FOXN2: variants seen among roughly 807,000 people sequenced by gnomAD.
The protein encoded by FOXN2 is forkhead box protein N2.
Under a neutral mutation model 41.2 loss-of-function variants are expected in FOXN2, and 19 were observed. That is an observed-to-expected ratio of 0.46 (90% CI 0.32 to 0.68). The LOEUF (loss-of-function observed/expected upper bound fraction) is 0.68, where lower values mean the gene tolerates loss of function less well. Ranked by LOEUF, FOXN2 falls within the 30% of genes least tolerant of loss-of-function variation. The pLI is 0.03. For missense variants in FOXN2, 587 were observed against 509.4 expected (o/e 1.15, Z -1.47); for synonymous variants, 195 against 176.8 (o/e 1.10, Z -0.82).
At chr2:48,344,264 G>A (rs1014217654) in intron 2 of FOXN2, among the ~76,000 whole-genome samples, 1 of 152,104 alleles carries the variant, frequency 6.6e-6, no homozygotes, top group Non-Finnish European at 1.5e-5. Flanking sequence ...AACCAAATCC[G>A]TTATCGTTTG....
At chr2:48,330,389 C>A (rs1187341538) in intron 2 of FOXN2, among the ~76,000 whole-genome samples, 5 of 152,152 alleles carry the variant, frequency 3.3e-5, no homozygotes, top group African/African-American at 1.2e-4. Flanking sequence ...AATTGCTATG[C>A]AGCTTCCATA....
At chr2:48,353,431 A>G (rs1356619491) in intron 3 of FOXN2, among the ~76,000 whole-genome samples, 2 of 152,120 alleles carry the variant, frequency 1.3e-5, no homozygotes, top group African/African-American at 4.8e-5. Context: ...GTGTTTTTAT[A>G]GCATTCTGTT....
chr2:48,369,299 A>G (rs1326723615), intron 5 of FOXN2, among the ~76,000 whole-genome samples: 2 of 152,206 alleles, frequency 1.3e-5, no homozygotes, highest in Non-Finnish European at 2.9e-5. Context: ...GCACTTTGGG[A>G]GGCCAAGGCG....
chr2:48,355,509 TAGAC>T, intron 3 of FOXN2, among the ~76,000 whole-genome samples: 1 of 152,082 alleles, frequency 6.6e-6, no homozygotes, highest in African/African-American at 2.4e-5. Flanking sequence ...GTCTGAGATT[TAGAC>T]AGAAAGAGAT....
At chr2:48,355,511 G>A (rs72820423) in intron 3 of FOXN2, among the ~76,000 whole-genome samples, 17,365 of 151,780 alleles carry the variant, frequency 0.11, 1,447 homozygotes, top group East Asian at 0.45. Flanking sequence ...CTGAGATTTA[G>A]ACAGAAAGAG....
chr2:48,374,378 A>T (rs550926253), intron 6 of FOXN2, among the ~76,000 whole-genome samples: 2 of 152,342 alleles, frequency 1.3e-5, no homozygotes, highest in African/African-American at 4.8e-5. Flanking sequence ...ATTATAAAAA[A>T]TTTAAGTAAT....
chr2:48,358,665 CATAGAAG>C (rs1671963724), intron 3 of FOXN2, among the ~76,000 whole-genome samples: 1 of 152,208 alleles, frequency 6.6e-6, no homozygotes, highest in East Asian at 1.9e-4. Flanking sequence ...TAGCTTATAT[CATAGAAG>C]ATTTGATACA....
chr2:48,341,678 C>T (rs1011522706), intron 2 of FOXN2, among the ~76,000 whole-genome samples: 28 of 152,136 alleles, frequency 1.8e-4, no homozygotes, highest in Admixed American at 1.8e-3. Context: ...AGCATGTGGC[C>T]AAGCTGTGCC....
intron 3 of FOXN2, among the ~76,000 whole-genome samples, chr2:48,353,763 A>G (rs908043907): frequency 5.9e-5 from 9 of 151,778 alleles, no homozygotes; most frequent in African/African-American, 9.7e-5. Flanking sequence ...TCATCTCCCT[A>G]TCCTTCCTTC....
intron 2 of FOXN2, among the ~76,000 whole-genome samples, chr2:48,334,080 A>T (rs1440586945): frequency 6.6e-6 from 1 of 152,172 alleles, no homozygotes; most frequent in East Asian, 1.9e-4. Context: ...TAGCAATTTG[A>T]GACCTTTCAG....
intron 5 of FOXN2, among the ~76,000 whole-genome samples, chr2:48,364,653 G>GA (rs1490404236): frequency 6.6e-6 from 1 of 152,232 alleles, no homozygotes; most frequent in Non-Finnish European, 1.5e-5. Context: ...TCTTAGACTA[G>GA]AAAAGGGGTT....
At chr2:48,323,533 T>C (rs1002910663) in intron 1 of FOXN2, among the ~76,000 whole-genome samples, 2 of 152,218 alleles carry the variant, frequency 1.3e-5, no homozygotes, top group African/African-American at 4.8e-5. Flanking sequence ...CCTTTATGTC[T>C]TGAAAAGTTA....
chr2:48,357,929 C>T (rs571922296), intron 3 of FOXN2, among the ~76,000 whole-genome samples: 2 of 149,652 alleles, frequency 1.3e-5, no homozygotes, highest in Non-Finnish European at 3.0e-5. Flanking sequence ...TATCTTGCTG[C>T]TAAACACCAG....
At chr2:48,370,609 G>A (rs779420199) in intron 5 of FOXN2, among the ~76,000 whole-genome samples, 2 of 152,028 alleles carry the variant, frequency 1.3e-5, no homozygotes, top group Non-Finnish European at 2.9e-5. Context: ...TTTGAGCAAT[G>A]TCTGTTCTGA....
At chr2:48,324,939 G>C (rs1409634863) in intron 1 of FOXN2, among the ~76,000 whole-genome samples, 3 of 152,084 alleles carry the variant, frequency 2.0e-5, no homozygotes, top group Non-Finnish European at 4.4e-5. Flanking sequence ...TAAATATTAG[G>C]GTTTGACTGA....
chr2:48,339,549 T>C (rs1670600967), intron 2 of FOXN2, among the ~76,000 whole-genome samples: 1 of 152,210 alleles, frequency 6.6e-6, no homozygotes, highest in African/African-American at 2.4e-5. Context: ...CATTATAAGT[T>C]ACCCAGTCTC....
intron 3 of FOXN2, among the ~76,000 whole-genome samples, chr2:48,348,209 T>C (rs1671237156): frequency 6.6e-6 from 1 of 152,170 alleles, no homozygotes; most frequent in East Asian, 1.9e-4. Context: ...TTGCTATTTG[T>C]CTTACCTCTT....
intron 5 of FOXN2, among the ~76,000 whole-genome samples, chr2:48,371,262 G>A (rs577150943): frequency 1.3e-5 from 2 of 152,202 alleles, no homozygotes; most frequent in Admixed American, 6.5e-5. Flanking sequence ...GCTGAGTGTG[G>A]TGGCACGCCT....
chr2:48,346,084 T>C (rs1671078236), intron 2 of FOXN2, 117 bp from the exon 3 acceptor site: 2 of 777,192 alleles, frequency 2.6e-6, no homozygotes, highest in Non-Finnish European at 4.2e-6. Context: ...TTAAATATTA[T>C]GTGGGACAAT....
Sources: allele counts gnomAD v4.1 joint callset (sites outside exome capture counted in the v4.1 genomes callset), GRCh38; gene constraint gnomAD v4.1.1; transcripts MANE v1.5; gene names NCBI Gene and HGNC (gene_info 2026-07-23, HGNC 2026-07-21).